CCT2: variants seen among roughly 807,000 people sequenced by gnomAD.
CCT2 encodes chaperonin containing TCP1 subunit 2.
CCT2 carries 18 observed loss-of-function variants against 61.8 expected under a neutral mutation model. That is an observed-to-expected ratio of 0.29 (90% CI 0.20 to 0.43). CCT2 has a LOEUF of 0.43. Ranked by LOEUF, CCT2 falls within the 20% of genes least tolerant of loss-of-function variation. CCT2 has a pLI of 1.00. For missense variants in CCT2, 556 were observed against 656.9 expected (o/e 0.85, Z 1.68); for synonymous variants, 248 against 215.9 (o/e 1.15, Z -1.30).
chr12:69,600,356 T>C (rs990828971), intron 15 of CCT2, among the ~76,000 whole-genome samples: 7 of 152,224 alleles, frequency 4.6e-5, no homozygotes, highest in African/African-American at 1.7e-4. Flanking sequence ...CAAGGTCATA[T>C]AGCCACACCT....
Position 69,597,980 on chromosome 12 carries a change from T to G in CCT2, c.1244T>G (p.Met415Arg), listed in dbSNP as rs1225124909. The change falls in exon 13 of 16, where the codon ATG (methionine) becomes AGG (arginine). Residue 415 changes from methionine (M) to arginine (R), a missense_variant. By Grantham distance (91) the Met-to-Arg change is moderately conservative (BLOSUM62 -1). Coordinates refer to ENST00000299300, the MANE Select transcript of CCT2 (RefSeq NM_006431.3). ...RTVYGGGCSEMLMAHAVTQLA... is the reference protein window; with the variant it reads ...RTVYGGGCSERLMAHAVTQLA... Reference sequence around the variant, plus strand: ...TTTTAATCTTTAGGCTGTTCTGAGATGTTGATGGCTCATGCTGTGACACAG... The same window carrying G: ...TTTTAATCTTTAGGCTGTTCTGAGAGGTTGATGGCTCATGCTGTGACACAG... 6.2e-7 allele frequency: 1 copy of G among 1,613,620 alleles called. No homozygotes were observed. Among genetic ancestry groups the G allele is most frequent in the Non-Finnish European group, 8.5e-7 (1 of 1,179,614 alleles).
At position 69,600,003 on chromosome 12, in the gene CCT2, A is replaced by G. The variant is rs1337157380; in HGVS notation, c.1576A>G (p.Arg526Gly). 2 of 1,607,558 alleles carry G rather than the reference A, an allele frequency of 1.2e-6. No homozygotes were observed. The highest frequency in any genetic ancestry group is 1.7e-6 in the Non-Finnish European group (2 of 1,177,556). ...RVDNIIKAAP[R>G]KRVPDHHPC ...GGACAACATCATCAAAGCGGCACCC[A>G]GGTACCCTAACACTTTTCTCAGAAA... is the stretch of plus-strand genomic sequence containing the variant. Residue 526 changes from arginine to glycine, a missense_variant and splice_region_variant, in exon 15 of 16, where the codon AGG becomes GGG. Physicochemically the swap from Arg to Gly is moderately radical, Grantham distance 125. Coordinates refer to ENST00000299300, the MANE Select transcript of CCT2 (RefSeq NM_006431.3).
intron 3 of CCT2, chr12:69,587,210 C>A: frequency 5.7e-6 from 2 of 353,736 alleles, no homozygotes; most frequent in South Asian, 7.9e-5. Flanking sequence ...AAATATTATC[C>A]TGTACCTTAA....
In CCT2 at chr12:69,586,343, T is replaced by C; in HGVS notation, c.77T>C (p.Leu26Pro). Reference sequence around the variant, plus strand: ...GAAGAGAGAGCAGAGACAGCTCGTCTGGTAAGCCTTGTTCTAAGCATTGTT... The same window carrying C: ...GAAGAGAGAGCAGAGACAGCTCGTCCGGTAAGCCTTGTTCTAAGCATTGTT... The part of the protein sequence containing the change: ...ADEERAETAR[L>P]TSFIGAIAIG... Residue 26 changes from leucine to proline, a missense_variant and splice_region_variant, in exon 2 of 16, where the codon CTG becomes CCG. By Grantham distance (98) the Leu-to-Pro change is moderately conservative. Transcript: ENST00000299300. 6.2e-7 allele frequency: 1 copy of C among 1,606,054 alleles called. No homozygotes were observed. The highest frequency in any genetic ancestry group is 8.5e-7 in the Non-Finnish European group (1 of 1,172,708).
chr12:69,585,999 T>C, intron 1 of CCT2: 1 of 1,343,014 alleles, frequency 7.4e-7, no homozygotes, highest in Non-Finnish European at 9.6e-7. Context: ...AAGATCGTCT[T>C]TAGTCTCGCT....
Position 69,601,547 on chromosome 12 carries a change from T to G in CCT2, c.*222T>G. On this transcript the variant is annotated 3_prime_UTR_variant, in exon 16 of 16. Coordinates refer to ENST00000299300, the MANE Select transcript of CCT2 (RefSeq NM_006431.3). Reference sequence around the variant, plus strand: ...AAAAGTTCATTTCTCATACTGTGCATTAAAATAAAAATTTGAACAATTACT... The same window carrying G: ...AAAAGTTCATTTCTCATACTGTGCAGTAAAATAAAAATTTGAACAATTACT... 1 of 1,345,080 alleles carries G rather than the reference T, an allele frequency of 7.4e-7. No individual in the cohort carries two copies. The allele number at this position is 1,345,080 out of a possible 1,614,324, so 83.3% of individuals were successfully genotyped here.
intron 4 of CCT2, 79 bp from the exon 5 acceptor site, chr12:69,587,851 T>C (rs539374680): frequency 4.4e-6 from 5 of 1,144,894 alleles, no homozygotes; most frequent in Non-Finnish European, 6.6e-6. Context: ...CTGGTAAGTT[T>C]AGATTGGTAG....
intron 8 of CCT2, 100 bp from the exon 9 acceptor site, chr12:69,592,876 C>T (rs530038566): frequency 5.3e-5 from 59 of 1,113,354 alleles, no homozygotes; most frequent in Non-Finnish European, 6.9e-5. Context: ...TGCAGTGAGC[C>T]GAGATTGCCC....
Position 69,589,482 on chromosome 12 carries a change from T to C in CCT2, c.447-3T>C, listed in dbSNP as rs1460867386. ...ATATGTATATTTGGTTGGTTTTATT[T>C]AGTTCCGATGAAGTTAAATTCCGTC... On this transcript the variant is annotated splice_polypyrimidine_tract_variant and splice_region_variant and intron_variant, in intron 6 of 15. Coordinates refer to ENST00000299300, the MANE Select transcript of CCT2 (RefSeq NM_006431.3). 3 of 1,612,820 alleles carry C rather than the reference T, an allele frequency of 1.9e-6. No homozygotes were observed. Among genetic ancestry groups the C allele is most frequent in the Non-Finnish European group, 2.5e-6 (3 of 1,178,972 alleles).
At chr12:69,597,006 G>A in intron 10 of CCT2, 150 bp from the exon 11 acceptor site, 1 of 580,858 alleles carries the variant, frequency 1.7e-6, no homozygotes. Flanking sequence ...TCGATATGAA[G>A]TATTTAAAAA....
intron 1 of CCT2, 136 bp downstream of exon 1, chr12:69,585,660 C>T: frequency 6.5e-7 from 1 of 1,529,450 alleles, no homozygotes; most frequent in Non-Finnish European, 8.8e-7. Flanking sequence ...GCGAGCCATG[C>T]GCGGGGCGTG....
chr12:69,598,864 C>T (rs929620121), intron 14 of CCT2, among the ~76,000 whole-genome samples: 1 of 150,206 alleles, frequency 6.7e-6, no homozygotes, highest in Non-Finnish European at 1.5e-5. Context: ...GAAAAACTTT[C>T]TGACAAGCTG....
At chr12:69,601,190 AAC>A in intron 15 of CCT2, 103 bp from the exon 16 acceptor site, 1 of 914,840 alleles carries the variant, frequency 1.1e-6, no homozygotes. Flanking sequence ...GCAGAGTTAT[AAC>A]AGTTTTAATA....
chr12:69,585,687 A>C (rs531195601), intron 1 of CCT2, 163 bp downstream of exon 1: 2 of 1,507,338 alleles, frequency 1.3e-6, no homozygotes, highest in Admixed American at 2.1e-5. Flanking sequence ...GCGCCAGGCC[A>C]GCCGGTGGAG....
chr12:69,591,952 A>C, intron 7 of CCT2, 107 bp from the exon 8 acceptor site: 3 of 642,674 alleles, frequency 4.7e-6, no homozygotes, highest in Non-Finnish European at 8.2e-6. Flanking sequence ...ATTGGACTTA[A>C]ATAGCTTCTT....
chr12:69,593,375 A>G (rs1881894249), intron 9 of CCT2, 135 bp from the exon 10 acceptor site: 3 of 643,216 alleles, frequency 4.7e-6, no homozygotes, highest in East Asian at 2.8e-5. Context: ...CTCTAATTAT[A>G]TAGGTAAGAA....
chr12:69,587,183 C>T (rs1483644402), intron 3 of CCT2: 2 of 332,742 alleles, frequency 6.0e-6, no homozygotes, highest in Non-Finnish European at 1.1e-5. Flanking sequence ...GTAGATAACA[C>T]TGCCCCTTTA....
At position 69,592,492 on chromosome 12, in the gene CCT2, C is replaced by CA. The variant is rs11367247; in HGVS notation, c.750+346dup. On this transcript the variant is annotated intron_variant, in intron 8 of 15. Transcript: ENST00000299300. Reference sequence around the variant, plus strand: ...GAGTGAAACTCCGTCTCAAAAGTCTCAAAAAAAAAAAAATTGCTGGATTCT... The same window carrying CA: ...GAGTGAAACTCCGTCTCAAAAGTCTCAAAAAAAAAAAAAATTGCTGGATTCT... The CA allele has an allele frequency of 6.1e-3, 978 of 159,540 alleles. 6 individuals carry two copies. Among genetic ancestry groups the CA allele is most frequent in the African/African-American group, 0.017 (708 of 40,746 alleles). The allele number at this position is 159,540 out of a possible 1,614,324, so 9.9% of individuals were successfully genotyped here.
rs1191531398 is a variant in CCT2 at position 69,585,966 on chromosome 12, C to T, written c.4-304C>T. ...GGCGTCACCTTGATGGCCTGCAACC[C>T]CTCCCTGCCTCATTCTTAGTTCAAG... On this transcript the variant is annotated intron_variant, in intron 1 of 15. Coordinates refer to ENST00000299300, the MANE Select transcript of CCT2 (RefSeq NM_006431.3). 30 of 1,300,450 alleles carry T rather than the reference C, an allele frequency of 2.3e-5. No individual in the cohort carries two copies. The East Asian group carries it at 8.4e-4, about 36-fold the overall frequency. 80.6% of individuals were successfully genotyped at this position (1,300,450 alleles called of 1,614,324 possible). A position where few individuals can be genotyped will look rare whatever the true frequency, so the allele number is the denominator to read the frequency against.
Sources: gnomAD v4.1 joint callset for allele counts (sites outside exome capture counted in the v4.1 genomes callset) on GRCh38, gnomAD v4.1.1 for gene constraint, MANE v1.5 for transcripts, NCBI Gene and HGNC (gene_info 2026-07-23, HGNC 2026-07-21) for gene names.